JMJD1C: variants seen among roughly 807,000 people sequenced by gnomAD.
JMJD1C encodes jumonji domain containing 1C.
Under a neutral mutation model 245.3 loss-of-function variants are expected in JMJD1C, and 31 were observed. That is an observed-to-expected ratio of 0.13 (90% CI 0.09 to 0.17). The LOEUF is 0.17. Ranked by LOEUF, JMJD1C falls within the 10% of genes least tolerant of loss-of-function variation. JMJD1C has a pLI of 1.00. For missense variants in JMJD1C, 2,691 were observed against 3,000.2 expected (o/e 0.90, Z 2.41); for synonymous variants, 1,057 against 1,017.4 (o/e 1.04, Z -0.74).
chr10:63,496,831 T>C (rs999704079), intron 1 of JMJD1C, among the ~76,000 whole-genome samples: 1 of 152,236 alleles, frequency 6.6e-6, no homozygotes, highest in Non-Finnish European at 1.5e-5. Context: ...ATATGTCAGT[T>C]CTGAGCAAAG....
intron 1 of JMJD1C, among the ~76,000 whole-genome samples, chr10:63,402,563 T>A (rs1038221949): frequency 6.6e-6 from 1 of 152,106 alleles, no homozygotes; most frequent in African/African-American, 2.4e-5. Context: ...GATAGAAAAA[T>A]GTGATAATAA....
At chr10:63,465,348 G>A in intron 1 of JMJD1C, 147 bp downstream of exon 1, 2 of 803,470 alleles carry the variant, frequency 2.5e-6, no homozygotes, top group Non-Finnish European at 3.8e-6. Flanking sequence ...GGCAAGGGAT[G>A]CGGGCAAACG....
At chr10:63,382,921 C>T in intron 1 of JMJD1C, 1 of 453,652 alleles carries the variant, frequency 2.2e-6, no homozygotes, top group Non-Finnish European at 4.4e-6. Context: ...ATTTCTACTG[C>T]AATTACTTTT....
At chr10:63,299,002 A>G (rs1416117852) in intron 2 of JMJD1C, among the ~76,000 whole-genome samples, 1 of 152,068 alleles carries the variant, frequency 6.6e-6, no homozygotes, top group Non-Finnish European at 1.5e-5. Context: ...AAGTGCTGGG[A>G]TTACAGGCAT....
intron 3 of JMJD1C, among the ~76,000 whole-genome samples, chr10:63,260,967 CA>C (rs1427227445): frequency 6.6e-6 from 1 of 151,730 alleles, no homozygotes; most frequent in Non-Finnish European, 1.5e-5. Context: ...AGCTAAAAAA[CA>C]CAGTAGAATC....
At chr10:63,440,216 T>C (rs1242643324) in intron 1 of JMJD1C, among the ~76,000 whole-genome samples, 2 of 151,870 alleles carry the variant, frequency 1.3e-5, no homozygotes, top group Non-Finnish European at 2.9e-5. Flanking sequence ...GCGACTTTAA[T>C]CTCAGCTACT....
At chr10:63,517,097 T>C (rs1024870003) in intron 1 of JMJD1C, among the ~76,000 whole-genome samples, 1 of 152,142 alleles carries the variant, frequency 6.6e-6, no homozygotes, top group Admixed American at 6.5e-5. Flanking sequence ...AATAAATATA[T>C]TTTTTAGCCA....
chr10:63,269,739 C>A lies in JMJD1C; in HGVS notation c.334-4975G>T, dbSNP rs375458022. Among the ~76,000 whole-genome samples the A allele has an allele frequency of 3.9e-5, 6 of 152,064 alleles. No homozygotes were observed. In the East Asian group the frequency reaches 7.7e-4, roughly 19 times the overall value. On this transcript the variant is annotated intron_variant, in intron 2 of 25. Coordinates refer to ENST00000399262, the MANE Select transcript of JMJD1C (RefSeq NM_032776.3). ...TGGTAGATTTGAAAATATTCCTCAA[C>A]CATTTTCACTCATTACAAAAAACAA...
chr10:63,444,525 C>T (rs936236307), intron 1 of JMJD1C, among the ~76,000 whole-genome samples: 2 of 152,134 alleles, frequency 1.3e-5, no homozygotes, highest in Non-Finnish European at 2.9e-5. Context: ...CCACCTGCCT[C>T]GGCCTCCCAA....
chr10:63,288,834 G>A (rs981959439), intron 2 of JMJD1C, among the ~76,000 whole-genome samples: 7 of 150,968 alleles, frequency 4.6e-5, no homozygotes, highest in African/African-American at 9.7e-5. Context: ...AGCCAAGATC[G>A]CACCACTGCA....
intron 8 of JMJD1C, among the ~76,000 whole-genome samples, chr10:63,211,823 C>CAAAAA (rs59121081): frequency 7.7e-5 from 6 of 77,680 alleles, no homozygotes; most frequent in Non-Finnish European, 9.4e-5. Flanking sequence ...GACTCTGTCT[C>CAAAAA]AAAAAAAAAA....
chr10:63,431,195 A>G lies in JMJD1C; in HGVS notation c.168+34300T>C, dbSNP rs544805153. Among the ~76,000 whole-genome samples, 3 of 152,364 alleles carry G rather than the reference A, an allele frequency of 2.0e-5. No homozygotes were observed. In the South Asian group the frequency reaches 6.2e-4, roughly 32 times the overall value. On this transcript the variant is annotated intron_variant, in intron 1 of 25. Coordinates refer to ENST00000399262, the MANE Select transcript of JMJD1C (RefSeq NM_032776.3). The stretch of plus-strand genomic sequence containing the variant: ...GACAGAGTATGAACAATAAAATACT[A>G]TAACATATATTGACTTACAAACATT...
chr10:63,217,383 T>C, intron 4 of JMJD1C, 52 bp from the exon 5 acceptor site: 2 of 1,416,958 alleles, frequency 1.4e-6, no homozygotes, highest in Non-Finnish European at 1.9e-6. Flanking sequence ...CATCTTCATT[T>C]AATAACTGCC....
chr10:63,353,206 G>A lies in JMJD1C; in HGVS notation c.333+27112C>T, dbSNP rs147969096. Among the ~76,000 whole-genome samples, 490 of 152,250 alleles carry A rather than the reference G, an allele frequency of 3.2e-3. 3 individuals are homozygous for A. The highest frequency in any genetic ancestry group is 0.011 in the African/African-American group (475 of 41,530). Reference sequence around the variant, plus strand: ...TCAAGTTAACTAGGAAAACTTTCTAGGCAGAGAGAACAGTATATGCAATAG... The same window carrying A: ...TCAAGTTAACTAGGAAAACTTTCTAAGCAGAGAGAACAGTATATGCAATAG... On this transcript the variant is annotated intron_variant, in intron 2 of 25. Coordinates refer to ENST00000399262, the MANE Select transcript of JMJD1C (RefSeq NM_032776.3).
At chr10:63,344,367 G>A (rs1384030644) in intron 2 of JMJD1C, among the ~76,000 whole-genome samples, 2 of 152,078 alleles carry the variant, frequency 1.3e-5, no homozygotes, top group African/African-American at 4.8e-5. Context: ...ATACCATATA[G>A]CCTAAGTATA....
At chr10:63,205,744 T>C (rs1252549673) in intron 10 of JMJD1C, among the ~76,000 whole-genome samples, 1 of 152,206 alleles carries the variant, frequency 6.6e-6, no homozygotes, top group African/African-American at 2.4e-5. Context: ...AGTATTTACG[T>C]ATCTGAACAA....
At position 63,325,625 on chromosome 10, in the gene JMJD1C, AATACAACTGATTAG is replaced by A. The variant is rs563659684; in HGVS notation, c.333+54679_333+54692del. ...TCCTTCTAAACTCAAAAAAGGAGTA[AATACAACTGATTAG>A]ATATCTAATTACTAAATTCAATTAC... is the stretch of plus-strand genomic sequence containing the variant. On this transcript the variant is annotated intron_variant, in intron 2 of 25. Transcript: ENST00000399262. Among the ~76,000 whole-genome samples the A allele has an allele frequency of 3.1e-3, 469 of 152,316 alleles. 1 individual carries two copies. Among genetic ancestry groups the A allele is most frequent in the Non-Finnish European group, 4.6e-3 (315 of 68,036 alleles).
chr10:63,314,085 T>C (rs1323593430), intron 2 of JMJD1C, among the ~76,000 whole-genome samples: 2 of 152,244 alleles, frequency 1.3e-5, no homozygotes, highest in Admixed American at 1.3e-4. Context: ...CTACTTTGAG[T>C]TGATTTTTGT....
At chr10:63,400,060 G>A (rs1444844764) in intron 1 of JMJD1C, among the ~76,000 whole-genome samples, 2 of 152,042 alleles carry the variant, frequency 1.3e-5, no homozygotes, top group Admixed American at 6.6e-5. Flanking sequence ...AAAATGTACA[G>A]TAGCAATCAC....
Sources: allele counts gnomAD v4.1 joint callset (sites outside exome capture counted in the v4.1 genomes callset), GRCh38; gene constraint gnomAD v4.1.1; transcripts MANE v1.5; gene names NCBI Gene and HGNC (gene_info 2026-07-23, HGNC 2026-07-21).